The following DACH2 variants were observed in gnomAD, a reference collection of about 807,000 sequenced individuals.
DACH2 encodes dachshund homolog 2.
A neutral mutation model predicts 35.8 loss-of-function variants in DACH2; 17 were observed. The ratio of observed to expected loss-of-function variants is 0.48; its 90% CI spans 0.33 to 0.71. The LOEUF is 0.71. Among genes scored for constraint, DACH2 ranks in the 30% least tolerant of loss-of-function variants. The pLI, the probability that DACH2 is intolerant of heterozygous loss-of-function variation, is 0.02. For missense variants in DACH2, 469 were observed against 472.7 expected, an observed-to-expected ratio of 0.99 and a Z score of 0.07; for synonymous variants, 195 against 177.3, an observed-to-expected ratio of 1.10 and a Z score of -0.79.
intron 11 of DACH2, among the ~76,000 whole-genome samples, chrX:86,819,476 A>G (rs956249673): frequency 2.7e-5 from 3 of 112,148 alleles, no homozygotes; most frequent in African/African-American, 9.7e-5. Flanking sequence ...TGCCATTTGC[A>G]TAGTGCATTT....
At chrX:86,479,538 C>A (rs981464453) in intron 2 of DACH2, among the ~76,000 whole-genome samples, 2 of 111,899 alleles carry the variant, frequency 1.8e-5, no homozygotes, top group Non-Finnish European at 3.8e-5. Flanking sequence ...GGGAAGTTGT[C>A]TTTATCCCTT....
intron 2 of DACH2, among the ~76,000 whole-genome samples, chrX:86,489,443 A>T: frequency 9.0e-6 from 1 of 111,330 alleles, no homozygotes; most frequent in East Asian, 2.8e-4. Flanking sequence ...AATATAAATT[A>T]TAGATTTTTT....
At chrX:86,772,230 G>A (rs895556601) in intron 7 of DACH2, among the ~76,000 whole-genome samples, 8 of 111,444 alleles carry the variant, frequency 7.2e-5, no homozygotes, top group South Asian at 3.7e-4. Context: ...ATTGTGCTTA[G>A]TATAATATTA....
intron 1 of DACH2, among the ~76,000 whole-genome samples, chrX:86,235,332 G>C (rs941307295): frequency 1.8e-5 from 2 of 112,073 alleles, no homozygotes; most frequent in African/African-American, 6.5e-5. Context: ...ACCATTTTCT[G>C]TCATCAGCCC....
rs907472561 is a variant in DACH2, at chrX:86,663,981, A to G, written c.772+12814A>G. Among the ~76,000 whole-genome samples the G allele has an allele frequency of 4.5e-5, 5 of 112,320 alleles. No homozygotes were observed. The South Asian group carries it at 1.8e-3, about 41-fold the overall frequency. ...CTGATTTGCATCTAAATCATTTTTA[A>G]CCAGGAGGCAAAAGTTATTTTCTGC... On this transcript the variant is annotated intron_variant, in intron 4 of 11. Coordinates refer to ENST00000373125, the MANE Select transcript of DACH2 (RefSeq NM_053281.3).
At chrX:86,715,936 C>T (rs1451874960) in intron 6 of DACH2, among the ~76,000 whole-genome samples, 1 of 111,884 alleles carries the variant, frequency 8.9e-6, no homozygotes, top group Non-Finnish European at 1.9e-5. Context: ...ACATTTTGGA[C>T]ATATTTGTTT....
chrX:86,613,164 C>A (rs757423602), intron 3 of DACH2, among the ~76,000 whole-genome samples: 1 of 111,465 alleles, frequency 9.0e-6, no homozygotes, highest in African/African-American at 3.3e-5. Flanking sequence ...TTGTGCAACT[C>A]TCCCACCTAT....
At chrX:86,280,151 T>A (rs2033996537) in intron 1 of DACH2, among the ~76,000 whole-genome samples, 1 of 110,442 alleles carries the variant, frequency 9.1e-6, no homozygotes. Flanking sequence ...CACATAATTG[T>A]CAGATTCACC....
chrX:86,170,016 G>C (rs916558507), intron 1 of DACH2, among the ~76,000 whole-genome samples: 2 of 111,251 alleles, frequency 1.8e-5, no homozygotes, highest in African/African-American at 6.5e-5. Context: ...AAAGACTTGG[G>C]TGTTGTGATC....
intron 4 of DACH2, among the ~76,000 whole-genome samples, chrX:86,666,299 G>A (rs777413889): frequency 2.1e-5 from 1 of 47,952 alleles, no homozygotes; most frequent in South Asian, 6.6e-4. Context: ...TGGGATGTGT[G>A]TGTGTGTGTG....
intron 1 of DACH2, among the ~76,000 whole-genome samples, chrX:86,270,022 AT>A (rs1200708372): frequency 2.0e-5 from 2 of 100,072 alleles, no homozygotes; most frequent in East Asian, 3.0e-4. Context: ...ATATATATAT[AT>A]TATATATATA....
chrX:86,697,142 A>G (rs2041076670), intron 5 of DACH2, among the ~76,000 whole-genome samples: 1 of 111,852 alleles, frequency 8.9e-6, no homozygotes, highest in Admixed American at 9.5e-5. Context: ...CCAAGGATAC[A>G]GGCTCACTAA....
In DACH2 at chrX:86,172,675, AT is replaced by A. The variant is rs2031164609; in HGVS notation, c.488+23569del. 2.7e-5 allele frequency among the ~76,000 whole-genome samples: 3 copies of A among 111,941 alleles called. No homozygotes were observed. The South Asian group carries it at 1.1e-3, about 42-fold the overall frequency. On this transcript the variant is annotated intron_variant, in intron 1 of 11. Transcript: ENST00000373125. ...TGATGGGCTTGAGCAAACAAATTTAATTAGGTGGTGGATTGTTCTATATAGT... is the reference window on the plus strand; with the variant it reads ...TGATGGGCTTGAGCAAACAAATTTAATAGGTGGTGGATTGTTCTATATAGT...
intron 2 of DACH2, among the ~76,000 whole-genome samples, chrX:86,386,772 A>G (rs891144321): frequency 1.8e-5 from 2 of 110,842 alleles, no homozygotes; most frequent in African/African-American, 6.6e-5. Flanking sequence ...GATGTTCCAG[A>G]CTCATCTTGT....
chrX:86,354,006 G>C lies in DACH2; in HGVS notation c.489-22818G>C, dbSNP rs1399492144. Among the ~76,000 whole-genome samples, 2 of 42,861 alleles carry C rather than the reference G, an allele frequency of 4.7e-5. 1 individual carries two copies. The highest frequency in any genetic ancestry group is 7.8e-5 in the Non-Finnish European group (2 of 25,558). The allele number at this position is 42,861 out of a possible 115,157, so 37.2% of individuals were successfully genotyped here. On this transcript the variant is annotated intron_variant, in intron 1 of 11. Transcript: ENST00000373125. ...GGTTCCATTCTCCACATCACTTTCA[G>C]GTACACCAATCAGACGTGTCTCAAA...
intron 11 of DACH2, among the ~76,000 whole-genome samples, chrX:86,818,744 A>G (rs1174317333): frequency 9.1e-6 from 1 of 110,334 alleles, no homozygotes; most frequent in Non-Finnish European, 1.9e-5. Flanking sequence ...CAGCATCAGT[A>G]AAGTTCTTTC....
At chrX:86,697,113 C>CA (rs1445484809) in intron 5 of DACH2, among the ~76,000 whole-genome samples, 5 of 111,578 alleles carry the variant, frequency 4.5e-5, no homozygotes, top group Non-Finnish European at 9.4e-5. Flanking sequence ...AGCTAAAAAT[C>CA]ACTTGTGAAA....
intron 3 of DACH2, among the ~76,000 whole-genome samples, chrX:86,577,972 T>C (rs1450032708): frequency 8.9e-6 from 1 of 111,823 alleles, no homozygotes; most frequent in Non-Finnish European, 1.9e-5. Flanking sequence ...GTAATATCCT[T>C]TATAATAAAC....
chrX:86,335,444 G>T (rs891447199), intron 1 of DACH2, among the ~76,000 whole-genome samples: 1 of 111,137 alleles, frequency 9.0e-6, no homozygotes, highest in African/African-American at 3.3e-5. Flanking sequence ...GTGGTTTGTA[G>T]TTCTCCTTGA....
Sources: allele counts gnomAD v4.1 joint callset (sites outside exome capture counted in the v4.1 genomes callset), GRCh38; gene constraint gnomAD v4.1.1; transcripts MANE v1.5; gene names NCBI Gene and HGNC (gene_info 2026-07-23, HGNC 2026-07-21).